Variants in ZSCAN1 observed in about 807,000 individuals in gnomAD.
The protein encoded by ZSCAN1 is zinc finger and SCAN domain-containing protein 1.
Under a neutral mutation model 23.8 loss-of-function variants are expected in ZSCAN1, and 23 were observed. The ratio of observed to expected loss-of-function variants is 0.97; its 90% CI spans 0.70 to 1.37. The LOEUF (loss-of-function observed/expected upper bound fraction) is 1.37. Ranked by LOEUF, ZSCAN1 falls within the 40% of genes most tolerant of loss-of-function variation. The pLI is 0.00. For synonymous variants in ZSCAN1, 236 were observed against 232.3 expected (o/e 1.02, Z -0.15); for missense variants, 575 against 554.0 (o/e 1.04, Z -0.38).
At chr19:58,036,196 C>T (rs2123416310) in intron 2 of ZSCAN1, among the ~76,000 whole-genome samples, 185 bp downstream of exon 2, 1 of 152,300 alleles carries the variant, frequency 6.6e-6, no homozygotes, top group South Asian at 2.1e-4. Flanking sequence ...ATACTCCCAT[C>T]ACATGATGGG....
rs1369823308 is a variant in ZSCAN1 at position 58,047,608 on chromosome 19, G to A, written c.466-4882G>A. ...TGTGTCAGGGATGAGCCTGGCTCGG[G>A]TTGGTGGGGCTCTGAAGCACATTTG... On this transcript the variant is annotated intron_variant, in intron 4 of 5. Coordinates refer to ENST00000282326, the MANE Select transcript of ZSCAN1 (RefSeq NM_182572.4). This position sits in a 1 kb window ranked among gnomAD's most constrained non-coding sequence, Gnocchi z 4.9. Among the ~76,000 whole-genome samples the A allele has an allele frequency of 2.0e-5, 3 of 152,194 alleles. No homozygotes were observed. The highest frequency in any genetic ancestry group is 2.9e-5 in the Non-Finnish European group (2 of 68,034).
rs570940967 is a variant in ZSCAN1 at position 58,047,605 on chromosome 19, C to T, written c.466-4885C>T. ...TACTGTGTCAGGGATGAGCCTGGCTCGGGTTGGTGGGGCTCTGAAGCACAT... is the reference window on the plus strand; with the variant it reads ...TACTGTGTCAGGGATGAGCCTGGCTTGGGTTGGTGGGGCTCTGAAGCACAT... On this transcript the variant is annotated intron_variant, in intron 4 of 5. Coordinates refer to ENST00000282326, the MANE Select transcript of ZSCAN1 (RefSeq NM_182572.4). This position sits in a 1 kb window ranked among gnomAD's most constrained non-coding sequence, Gnocchi z 4.9. Among the ~76,000 whole-genome samples the T allele has an allele frequency of 3.3e-4, 51 of 152,276 alleles. No individual in the cohort carries two copies. The highest frequency in any genetic ancestry group is 1.2e-3 in the African/African-American group (48 of 41,560).
chr19:58,046,395 G>A (rs115227953), intron 4 of ZSCAN1: 3 of 890,662 alleles, frequency 3.4e-6, no homozygotes, highest in South Asian at 1.3e-5. Flanking sequence ...TGACAAAAAG[G>A]GTGCAGCAGA....
chr19:58,039,848 C>G (rs1338895661), intron 3 of ZSCAN1, among the ~76,000 whole-genome samples: 1 of 151,796 alleles, frequency 6.6e-6, no homozygotes, highest in Non-Finnish European at 1.5e-5. Flanking sequence ...TCCTGTTGTC[C>G]CCCGCTCTGC....
chr19:58,042,610 G>A (rs558332085), intron 4 of ZSCAN1, among the ~76,000 whole-genome samples: 11 of 152,282 alleles, frequency 7.2e-5, no homozygotes, highest in African/African-American at 2.6e-4. Context: ...TTCGTGGGCC[G>A]TGGTTTCTGT....
At position 58,053,306 on chromosome 19, in the gene ZSCAN1, T is replaced by C. The variant is rs1408066440; in HGVS notation, c.605-123T>C. 2 of 1,266,458 alleles carry C rather than the reference T, an allele frequency of 1.6e-6. No homozygotes were observed. Among genetic ancestry groups the C allele is most frequent in the Admixed American group, 2.3e-5 (1 of 44,348 alleles). The allele number at this position is 1,266,458 out of a possible 1,614,324, so 78.5% of individuals were successfully genotyped here. ...CAGAACGGAGGACACAGGGGCCGTA[T>C]TGAGCAGAGGAAGGGCCTGGACTTG... is the stretch of plus-strand genomic sequence containing the variant. On this transcript the variant is annotated intron_variant, in intron 5 of 5. Transcript: ENST00000282326. This position sits in a 1 kb window ranked among gnomAD's most constrained non-coding sequence, Gnocchi z 5.8.
chr19:58,040,782 C>T lies in ZSCAN1; in HGVS notation c.465+238C>T, dbSNP rs1186113781. Among the ~76,000 whole-genome samples the T allele has an allele frequency of 6.6e-6, 1 of 152,228 alleles. No individual in the cohort carries two copies. Among genetic ancestry groups the T allele is most frequent in the East Asian group, 1.9e-4 (1 of 5,202 alleles). On this transcript the variant is annotated intron_variant, in intron 4 of 5. Coordinates refer to ENST00000282326, the MANE Select transcript of ZSCAN1 (RefSeq NM_182572.4). The surrounding 1 kb of genome is among the most constrained non-coding windows in gnomAD (Gnocchi z 5.8). Reference sequence around the variant, plus strand: ...TTGCTGTGTGCCTCTGGGCCTCACCCCAGCCCCTCCTGTCCTTTCCCAGCC... The same window carrying T: ...TTGCTGTGTGCCTCTGGGCCTCACCTCAGCCCCTCCTGTCCTTTCCCAGCC...
intron 4 of ZSCAN1, among the ~76,000 whole-genome samples, chr19:58,041,814 T>C (rs2073791409): frequency 6.6e-6 from 1 of 152,144 alleles, no homozygotes; most frequent in African/African-American, 2.4e-5. Context: ...AGTTCAAGGC[T>C]GTAGTAAGCT....
intron 3 of ZSCAN1, 144 bp downstream of exon 3, chr19:58,038,350 G>GT: frequency 1.0e-5 from 11 of 1,084,306 alleles, no homozygotes; most frequent in Non-Finnish European, 1.3e-5. Context: ...CCGCGGCTGT[G>GT]TTTTTAATTA....
Position 58,053,424 on chromosome 19 carries a change from C to A in ZSCAN1, c.605-5C>A. 1 of 1,605,114 alleles carries A rather than the reference C, an allele frequency of 6.2e-7. No homozygotes were observed. The highest frequency in any genetic ancestry group is 8.5e-7 in the Non-Finnish European group (1 of 1,173,838). ...CAGGTGACCCATCTCCCTCGCCCTC[C>A]ACAGGGTCCCGGGCCCGCTTGCCTC... On this transcript the variant is annotated splice_polypyrimidine_tract_variant and splice_region_variant and intron_variant, in intron 5 of 5. Transcript: ENST00000282326. The surrounding 1 kb of genome is among the most constrained non-coding windows in gnomAD (Gnocchi z 5.8).
At position 58,038,215 on chromosome 19, in the gene ZSCAN1, C is replaced by A; in HGVS notation, c.370+9C>A. On this transcript the variant is annotated intron_variant, in intron 3 of 5. Transcript: ENST00000282326. ...GATGTGCCAGCAGGAAGGTGAGAGG[C>A]GCAGGCTTCCTGCCCCGGGCCGGGC... 1 of 1,599,364 alleles carries A rather than the reference C, an allele frequency of 6.3e-7. No homozygotes were observed. Among genetic ancestry groups the A allele is most frequent in the Non-Finnish European group, 8.5e-7 (1 of 1,175,318 alleles).
rs151048632 is a variant in ZSCAN1, at chr19:58,053,603, G to A, written c.779G>A (p.Arg260His). Residue 260 changes from arginine to histidine, a missense_variant, in exon 6 of 6, where the codon CGC (arginine) becomes CAC (histidine). Arg to His is a conservative substitution (Grantham distance 29). Coordinates refer to ENST00000282326, the MANE Select transcript of ZSCAN1 (RefSeq NM_182572.4). This position sits in a 1 kb window ranked among gnomAD's most constrained non-coding sequence, Gnocchi z 5.8. ...AACAGGAACACTGACCAGAGCGGCC[G>A]CCACCAGCCATCCCTCAAGCACACC... ...RRNRNTDQSGRHQPSLKHTKG... is the reference protein window; with the variant it reads ...RRNRNTDQSGHHQPSLKHTKG... 83 of 1,613,968 alleles carry A rather than the reference G, an allele frequency of 5.1e-5. No individual in the cohort carries two copies. Among genetic ancestry groups the A allele is most frequent in the Admixed American group, 5.0e-5 (3 of 59,996 alleles).
At chr19:58,038,399 G>C in intron 3 of ZSCAN1, 193 bp downstream of exon 3, 1 of 705,378 alleles carries the variant, frequency 1.4e-6, no homozygotes, top group Non-Finnish European at 2.3e-6. Flanking sequence ...CATCTGCCTC[G>C]AATTTCTCAC....
In ZSCAN1 at chr19:58,047,014, C is replaced by T. The variant is rs1312058928; in HGVS notation, c.466-5476C>T. Among the ~76,000 whole-genome samples, 1 of 152,248 alleles carries T rather than the reference C, an allele frequency of 6.6e-6. No individual in the cohort carries two copies. Among genetic ancestry groups the T allele is most frequent in the Non-Finnish European group, 1.5e-5 (1 of 68,042 alleles). ...TGGTGTGGCTGCCACGGCCTCCTGG[C>T]TCCAGAGGCGGCTGGGCCAAGGCAG... is the stretch of plus-strand genomic sequence containing the variant. On this transcript the variant is annotated intron_variant, in intron 4 of 5. Coordinates refer to ENST00000282326, the MANE Select transcript of ZSCAN1 (RefSeq NM_182572.4). This position sits in a 1 kb window ranked among gnomAD's most constrained non-coding sequence, Gnocchi z 4.9.
At position 58,040,473 on chromosome 19, in the gene ZSCAN1, G is replaced by A. The variant is rs2073779675; in HGVS notation, c.394G>A (p.Glu132Lys). The change falls in exon 4 of 6, where the codon GAA (glutamate) becomes AAA (lysine). Residue 132 changes from glutamate (E) to lysine (K), a missense_variant. Coordinates refer to ENST00000282326, the MANE Select transcript of ZSCAN1 (RefSeq NM_182572.4). The surrounding 1 kb of genome is among the most constrained non-coding windows in gnomAD (Gnocchi z 5.8). ...QEVLVSLDSV[E>K]PQDWSFGEEE... ...AGTTCTGGTATCTCTGGACTCGGTCGAACCCCAGGACTGGAGTTTCGGTGA... is the reference window on the plus strand; with the variant it reads ...AGTTCTGGTATCTCTGGACTCGGTCAAACCCCAGGACTGGAGTTTCGGTGA... 4 of 1,613,624 alleles carry A rather than the reference G, an allele frequency of 2.5e-6. No individual in the cohort carries two copies. Among genetic ancestry groups the A allele is most frequent in the East Asian group, 2.2e-5 (1 of 44,870 alleles).
rs1167379213 is a variant in ZSCAN1, at chr19:58,036,736, G to T, written c.-110+725G>T. ...GAATCTCACGCTGTCACTCAGGCTG[G>T]AGTACAGTGGTGCGATCTTGGCTTA... On this transcript the variant is annotated intron_variant, in intron 2 of 5. Coordinates refer to ENST00000282326, the MANE Select transcript of ZSCAN1 (RefSeq NM_182572.4). Among the ~76,000 whole-genome samples the T allele has an allele frequency of 2.0e-5, 3 of 151,924 alleles. No homozygotes were observed. The South Asian group carries it at 6.2e-4, about 32-fold the overall frequency.
intron 3 of ZSCAN1, among the ~76,000 whole-genome samples, chr19:58,039,820 C>T (rs2073772926): frequency 6.6e-6 from 1 of 151,852 alleles, no homozygotes. Context: ...CAGCTGAACC[C>T]CCATGCACGT....
Position 58,053,798 on chromosome 19 carries a change from G to A in ZSCAN1, c.974G>A (p.Cys325Tyr), listed in dbSNP as rs1219673228. 6 of 1,614,024 alleles carry A rather than the reference G, an allele frequency of 3.7e-6. No homozygotes were observed. The African/African-American group carries it at 5.3e-5, about 14-fold the overall frequency. ...GAAGGGCCCTTTCCGTGCCCCGAGT[G>A]TGGCAAGGTCTTCCTGCACAACTCC... Reference protein sequence around the residue: ...REEGPFPCPECGKVFLHNSVL... With the variant: ...REEGPFPCPEYGKVFLHNSVL... Residue 325 changes from cysteine to tyrosine, a missense_variant, in exon 6 of 6, where the codon TGT (cysteine) becomes TAT (tyrosine). Transcript: ENST00000282326. The surrounding 1 kb of genome is among the most constrained non-coding windows in gnomAD (Gnocchi z 5.8).
At chr19:58,044,609 A>G in intron 4 of ZSCAN1, 1 of 1,043,930 alleles carries the variant, frequency 9.6e-7, no homozygotes, top group Non-Finnish European at 1.4e-6. Flanking sequence ...CTTAATGAGG[A>G]GCTGCCGCGG....
Sources: allele counts gnomAD v4.1 joint callset (sites outside exome capture counted in the v4.1 genomes callset), GRCh38; gene constraint gnomAD v4.1.1; non-coding constraint Gnocchi (gnomAD v3.1); transcripts MANE v1.5; gene names NCBI Gene and HGNC (gene_info 2026-07-23, HGNC 2026-07-21).